The following HYDIN variants were observed in gnomAD, a reference collection of about 807,000 sequenced individuals.
HYDIN encodes the protein axonemal central pair apparatus protein HYDIN.
HYDIN carries 132 observed loss-of-function variants against 403.9 expected under a neutral mutation model. That is an observed-to-expected ratio of 0.33 (90% CI 0.28 to 0.38). The LOEUF (loss-of-function observed/expected upper bound fraction) is 0.38. Among genes scored for constraint, HYDIN ranks in the 10% least tolerant of loss-of-function variants. HYDIN has a pLI of 1.00. For synonymous variants in HYDIN, 1,202 were observed against 1,891.7 expected (o/e 0.64, Z 9.46); for missense variants, 2,827 against 5,009.5 (o/e 0.56, Z 13.15).
At chr16:71,020,125 C>A (rs186093669) in intron 22 of HYDIN, 49 bp downstream of exon 22, 3 of 1,595,020 alleles carry the variant, frequency 1.9e-6, no homozygotes, top group Admixed American at 1.7e-5. Flanking sequence ...CTTTATCACA[C>A]CCCGCCCCAC....
At chr16:71,136,772 A>C (rs10775320) in intron 8 of HYDIN, among the ~76,000 whole-genome samples, 34 of 148,004 alleles carry the variant, frequency 2.3e-4, no homozygotes, top group Admixed American at 4.7e-4. Flanking sequence ...ATCTCAAAAA[A>C]AAAAAAAACA....
intron 8 of HYDIN, among the ~76,000 whole-genome samples, chr16:71,134,194 G>C (rs1163217256): frequency 6.6e-6 from 1 of 152,100 alleles, no homozygotes; most frequent in African/African-American, 2.4e-5. Context: ...GGACTTGAGT[G>C]TATCTGTTGA....
At chr16:71,013,549 C>T (rs2080159163) in intron 23 of HYDIN, among the ~76,000 whole-genome samples, 1 of 151,868 alleles carries the variant, frequency 6.6e-6, no homozygotes, top group African/African-American at 2.4e-5. Context: ...AGCTGTGGTG[C>T]ATGCGTGGAA....
At position 71,184,131 on chromosome 16, in the gene HYDIN, G is replaced by A. The variant is rs191930921; in HGVS notation, c.261+734C>T. On this transcript the variant is annotated intron_variant, in intron 3 of 85. Transcript: ENST00000393567. ...AGGAAGCAATGGTGTAGCAGTAACA[G>A]CAGACAAGCCTCAAAGACTCATTCT... Among the ~76,000 whole-genome samples, 332 of 152,160 alleles carry A rather than the reference G, an allele frequency of 2.2e-3. 1 individual carries two copies. The highest frequency in any genetic ancestry group is 3.7e-3 in the Non-Finnish European group (253 of 67,986).
intron 73 of HYDIN, among the ~76,000 whole-genome samples, 183 bp downstream of exon 73, chr16:70,854,945 A>G (rs1049510876): frequency 3.3e-5 from 5 of 150,544 alleles, no homozygotes; most frequent in Admixed American, 2.0e-4. Flanking sequence ...TAGAATTCTC[A>G]ATGCTCCATA....
intron 77 of HYDIN, 142 bp downstream of exon 77, chr16:70,837,548 G>T: frequency 1.7e-6 from 1 of 605,170 alleles, no homozygotes; most frequent in South Asian, 2.0e-5. Context: ...TCATCTCAGT[G>T]GGACTCGCTG....
At chr16:71,133,691 A>G (rs1201838523) in intron 8 of HYDIN, among the ~76,000 whole-genome samples, 3 of 152,170 alleles carry the variant, frequency 2.0e-5, no homozygotes, top group African/African-American at 7.2e-5. Flanking sequence ...CTTAAAGCCC[A>G]TGCCAAGTCT....
At chr16:71,184,757 A>T (rs1012223053) in intron 3 of HYDIN, 108 bp downstream of exon 3, 1 of 924,826 alleles carries the variant, frequency 1.1e-6, no homozygotes. Flanking sequence ...TTGAAAACAA[A>T]CCCAATAAAG....
At chr16:71,164,041 T>C (rs909925162) in intron 5 of HYDIN, among the ~76,000 whole-genome samples, 5 of 146,934 alleles carry the variant, frequency 3.4e-5, no homozygotes, top group African/African-American at 7.6e-5. Context: ...TCTCATAAGA[T>C]AGAAATAGCA....
intron 19 of HYDIN, among the ~76,000 whole-genome samples, chr16:71,029,232 G>A (rs1432702618): frequency 6.8e-6 from 1 of 147,722 alleles, no homozygotes; most frequent in Non-Finnish European, 1.5e-5. Context: ...AGCAGCCATA[G>A]ACAATATGTT....
chr16:71,115,018 G>C (rs1568175815), intron 10 of HYDIN, among the ~76,000 whole-genome samples: 2 of 149,458 alleles, frequency 1.3e-5, no homozygotes, highest in Non-Finnish European at 3.0e-5. Flanking sequence ...AACAAAAAAG[G>C]AGATTGTGGG....
chr16:70,834,874 ATGTG>A (rs976761309), intron 78 of HYDIN, among the ~76,000 whole-genome samples: 2 of 146,074 alleles, frequency 1.4e-5, no homozygotes, highest in African/African-American at 2.5e-5. Context: ...ACATATATAT[ATGTG>A]TGTGTGTGTG....
chr16:70,839,615 T>C (rs1370376475), intron 76 of HYDIN, among the ~76,000 whole-genome samples: 1 of 151,908 alleles, frequency 6.6e-6, no homozygotes, highest in Non-Finnish European at 1.5e-5. Context: ...TCATTAGGTC[T>C]TGAATGGGGC....
intron 12 of HYDIN, among the ~76,000 whole-genome samples, chr16:71,087,061 T>C (rs1266745566): frequency 6.6e-6 from 1 of 151,528 alleles, no homozygotes; most frequent in East Asian, 1.9e-4. Context: ...CAAACACACA[T>C]GTATTATGGA....
At chr16:70,843,475 C>A (rs1314064088) in intron 75 of HYDIN, among the ~76,000 whole-genome samples, 2 of 128,744 alleles carry the variant, frequency 1.6e-5, no homozygotes, top group East Asian at 2.1e-4. Flanking sequence ...CAAGTCTTTG[C>A]TATTGTGAAT....
At chr16:71,204,869 C>T (rs2088210663) in intron 1 of HYDIN, among the ~76,000 whole-genome samples, 1 of 152,150 alleles carries the variant, frequency 6.6e-6, no homozygotes, top group Non-Finnish European at 1.5e-5. Flanking sequence ...AGGACTTCCA[C>T]TTCTAGTAAT....
intron 18 of HYDIN, among the ~76,000 whole-genome samples, chr16:71,051,905 TA>T (rs2081664329): frequency 6.6e-6 from 1 of 152,160 alleles, no homozygotes; most frequent in South Asian, 2.1e-4. Context: ...AGTGCTCCTA[TA>T]AATTATTATC....
Position 71,178,930 on chromosome 16 carries a change from T to C in HYDIN, c.379A>G (p.Lys127Glu), listed in dbSNP as rs1206467935. The C allele has an allele frequency of 1.2e-6, 2 of 1,611,246 alleles. No individual in the cohort carries two copies. The highest frequency in any genetic ancestry group is 2.2e-5 in the South Asian group (2 of 90,564). ...CCCACCCCAGTGAACATACTCACTT[T>C]GTCATTGTTCCTCAAAATCAGTGGA... ...EVPLILRNND[K>E]IPRLVKVVEE... The change falls in exon 4 of 86, where the codon AAA becomes GAA. Residue 127 changes from lysine (K) to glutamate (E), a missense_variant and splice_region_variant. Physicochemically the swap from Lys to Glu is moderately conservative, Grantham distance 56. Transcript: ENST00000393567.
At chr16:71,207,885 T>G (rs2088381366) in intron 1 of HYDIN, among the ~76,000 whole-genome samples, 1 of 152,186 alleles carries the variant, frequency 6.6e-6, no homozygotes, top group Non-Finnish European at 1.5e-5. Context: ...ACCCTAAATC[T>G]ATATGCAGCC....
Sources: allele counts gnomAD v4.1 joint callset (sites outside exome capture counted in the v4.1 genomes callset), GRCh38; gene constraint gnomAD v4.1.1; transcripts MANE v1.5; gene names NCBI Gene and HGNC (gene_info 2026-07-23, HGNC 2026-07-21).